FER: variants seen among roughly 807,000 people sequenced by gnomAD.
FER encodes FER tyrosine kinase.
Under a neutral mutation model 111.0 loss-of-function variants are expected in FER, and 63 were observed. The observed-to-expected ratio is 0.57, with a 90% CI of 0.46 to 0.70. FER has a LOEUF of 0.70. Among genes scored for constraint, FER ranks in the 30% least tolerant of loss-of-function variants. The pLI, the probability that FER is intolerant of heterozygous loss-of-function variation, is 0.00. For missense variants in FER, 914 were observed against 954.0 expected (o/e 0.96, Z 0.55); for synonymous variants, 327 against 313.9 (o/e 1.04, Z -0.44).
chr5:108,955,882 G>A lies in FER; in HGVS notation c.1533+950G>A, dbSNP rs73209365. The stretch of plus-strand genomic sequence containing the variant: ...TAATAAGTTTATATATATATAAAAC[G>A]TATCTTTGAGCTGACATTCACATAC... On this transcript the variant is annotated intron_variant, in intron 12 of 19. Transcript: ENST00000281092. Among the ~76,000 whole-genome samples the A allele has an allele frequency of 8.3e-3, 1,263 of 151,718 alleles. 17 individuals are homozygous for A. The highest frequency in any genetic ancestry group is 0.029 in the African/African-American group (1,196 of 41,482).
In FER at chr5:109,194,477, A is replaced by G. The variant is rs937672143; in HGVS notation, c.*6902A>G. On this transcript the variant is annotated 3_prime_UTR_variant, in exon 20 of 20. Coordinates refer to ENST00000281092, the MANE Select transcript of FER (RefSeq NM_005246.4). ...ATTTTCCTATTTGCTAAGAATCAGA[A>G]TAAGCACGTTGTAAATAGTATCCAA... 4.8e-4 allele frequency: 73 copies of G among 152,354 alleles called. No homozygotes were observed. Among genetic ancestry groups the G allele is most frequent in the African/African-American group, 1.7e-3 (70 of 41,586 alleles). The allele number at this position is 152,354 out of a possible 1,614,324, so 9.4% of individuals were successfully genotyped here. A position where few individuals can be genotyped will look rare whatever the true frequency, so the allele number is the denominator to read the frequency against.
intron 13 of FER, among the ~76,000 whole-genome samples, chr5:109,019,386 C>T (rs899435885): frequency 1.3e-5 from 2 of 151,786 alleles, no homozygotes; most frequent in African/African-American, 4.8e-5. Context: ...GTAACTTTCT[C>T]TCAAGTAAAT....
intron 13 of FER, among the ~76,000 whole-genome samples, chr5:109,013,608 C>G (rs1766617433): frequency 2.7e-5 from 4 of 150,688 alleles, no homozygotes; most frequent in Admixed American, 2.6e-4. Context: ...AATGGGATGG[C>G]TGGGTCAAAT....
At chr5:108,906,076 T>C (rs902817340) in intron 10 of FER, among the ~76,000 whole-genome samples, 2 of 152,196 alleles carry the variant, frequency 1.3e-5, no homozygotes. Flanking sequence ...AGCCAAGTTA[T>C]GGGACTTTTT....
chr5:108,771,324 T>C (rs909082579), intron 2 of FER, among the ~76,000 whole-genome samples: 6 of 152,238 alleles, frequency 3.9e-5, no homozygotes, highest in African/African-American at 1.4e-4. Context: ...AACTATTTTA[T>C]TTTTATCCTT....
intron 13 of FER, among the ~76,000 whole-genome samples, chr5:109,012,939 T>C (rs1466689777): frequency 1.3e-5 from 2 of 152,144 alleles, no homozygotes; most frequent in Admixed American, 6.5e-5. Context: ...AAGATTCTCA[T>C]TGAATATTTA....
chr5:108,890,436 C>T (rs984839462), intron 9 of FER, among the ~76,000 whole-genome samples: 1 of 151,948 alleles, frequency 6.6e-6, no homozygotes, highest in Non-Finnish European at 1.5e-5. Flanking sequence ...TCTGAGAACT[C>T]CAAAGGAGAA....
chr5:109,144,050 C>T (rs4957569), intron 17 of FER, among the ~76,000 whole-genome samples: 60,158 of 151,524 alleles, frequency 0.4, 12,175 homozygotes, highest in Non-Finnish European at 0.43. Flanking sequence ...GCTGTGTTTC[C>T]ATAATGTAAA....
intron 13 of FER, among the ~76,000 whole-genome samples, chr5:109,034,295 G>A (rs1770059767): frequency 6.6e-6 from 1 of 152,162 alleles, no homozygotes; most frequent in Admixed American, 6.5e-5. Context: ...GACAGGCAGT[G>A]AGCCGGTTTG....
At chr5:109,060,395 C>CT (rs1774239371) in intron 16 of FER, among the ~76,000 whole-genome samples, 1 of 152,176 alleles carries the variant, frequency 6.6e-6, no homozygotes, top group Non-Finnish European at 1.5e-5. Context: ...ACTCAACTTA[C>CT]TTTTAACCTC....
chr5:109,010,091 G>A (rs1022649952), intron 13 of FER, among the ~76,000 whole-genome samples: 1 of 152,170 alleles, frequency 6.6e-6, no homozygotes, highest in African/African-American at 2.4e-5. Context: ...ACTTGGGTGG[G>A]AAAGGTGTGG....
At chr5:109,018,304 G>T (rs1767461145) in intron 13 of FER, among the ~76,000 whole-genome samples, 1 of 151,764 alleles carries the variant, frequency 6.6e-6, no homozygotes, top group African/African-American at 2.4e-5. Context: ...CTTAGAAATA[G>T]ATTGTCTTCT....
At chr5:109,014,961 T>C (rs1379237490) in intron 13 of FER, 3 of 152,156 alleles carry the variant, frequency 2.0e-5, no homozygotes, top group Non-Finnish European at 2.9e-5. Flanking sequence ...TTTAAAGTTA[T>C]CTTCTTAATG....
chr5:109,126,955 G>A (rs1751804362), intron 17 of FER, among the ~76,000 whole-genome samples: 1 of 152,186 alleles, frequency 6.6e-6, no homozygotes, highest in Non-Finnish European at 1.5e-5. Flanking sequence ...TTTCCAGGCT[G>A]TGTTACAAAG....
At chr5:109,061,694 A>G (rs1021353068) in intron 16 of FER, among the ~76,000 whole-genome samples, 8 of 152,230 alleles carry the variant, frequency 5.3e-5, no homozygotes, top group African/African-American at 1.9e-4. Flanking sequence ...TCGTTTCAGT[A>G]AACAGGAAAA....
chr5:109,185,651 T>C (rs188168592), intron 18 of FER, among the ~76,000 whole-genome samples: 1 of 152,134 alleles, frequency 6.6e-6, no homozygotes, highest in African/African-American at 2.4e-5. Context: ...GGAGAGTGAT[T>C]TGGAGGCTAG....
chr5:108,932,248 A>T (rs1754790724), intron 10 of FER, among the ~76,000 whole-genome samples: 1 of 152,012 alleles, frequency 6.6e-6, no homozygotes, highest in South Asian at 2.1e-4. Flanking sequence ...TTCAACTCCC[A>T]CTTATGAGTG....
At chr5:108,840,745 C>T (rs1307573016) in intron 5 of FER, among the ~76,000 whole-genome samples, 1 of 152,070 alleles carries the variant, frequency 6.6e-6, no homozygotes, top group Non-Finnish European at 1.5e-5. Flanking sequence ...TGCATCCTAC[C>T]AGGAGGCACA....
intron 13 of FER, 85 bp from the exon 14 acceptor site, chr5:109,037,337 A>G: frequency 9.4e-7 from 1 of 1,058,888 alleles, no homozygotes; most frequent in Non-Finnish European, 1.5e-6. Flanking sequence ...ATATCCCTTT[A>G]GGTCGACTTT....
Sources: gnomAD v4.1 joint callset for allele counts (sites outside exome capture counted in the v4.1 genomes callset) on GRCh38, gnomAD v4.1.1 for gene constraint, MANE v1.5 for transcripts, NCBI Gene and HGNC (gene_info 2026-07-23, HGNC 2026-07-21) for gene names.